Variants in ANO10 observed in about 807,000 individuals in gnomAD.
The protein encoded by ANO10 is anoctamin-10.
Under a neutral mutation model 74.7 loss-of-function variants are expected in ANO10, and 77 were observed. That is an observed-to-expected ratio of 1.03 (90% CI 0.86 to 1.25). The LOEUF (loss-of-function observed/expected upper bound fraction) is 1.25, where lower values mean the gene tolerates loss of function less well. ANO10 is among the 50% of genes most tolerant of loss of function. ANO10 has a pLI of 0.00. For missense variants in ANO10, 721 were observed against 778.1 expected (o/e 0.93, Z 0.87); for synonymous variants, 279 against 284.9 (o/e 0.98, Z 0.21).
intron 11 of ANO10, among the ~76,000 whole-genome samples, chr3:43,537,796 T>G (rs1469767490): frequency 2.0e-5 from 3 of 152,194 alleles, no homozygotes; most frequent in African/African-American, 7.2e-5. Context: ...GAACACATTT[T>G]ATTAGTTAGG....
At chr3:43,389,191 C>T (rs1374283241) in intron 12 of ANO10, among the ~76,000 whole-genome samples, 1 of 152,128 alleles carries the variant, frequency 6.6e-6, no homozygotes. Flanking sequence ...GCTGATCCAC[C>T]CAACAGGTGT....
At chr3:43,414,539 C>G (rs1175394126) in intron 12 of ANO10, among the ~76,000 whole-genome samples, 1 of 152,150 alleles carries the variant, frequency 6.6e-6, no homozygotes, top group Non-Finnish European at 1.5e-5. Context: ...TGATACCACT[C>G]TTCATTTCTA....
chr3:43,435,174 A>G (rs1428659985), intron 11 of ANO10, among the ~76,000 whole-genome samples: 1 of 152,186 alleles, frequency 6.6e-6, no homozygotes, highest in Non-Finnish European at 1.5e-5. Flanking sequence ...TGCAGTTCAG[A>G]GAATGTGGCT....
rs1559591383 is a variant in ANO10 at position 43,478,893 on chromosome 3, C to G, written c.1798-46166G>C. Among the ~76,000 whole-genome samples, 3 of 152,152 alleles carry G rather than the reference C, an allele frequency of 2.0e-5. No homozygotes were observed. The South Asian group carries it at 6.2e-4, about 31-fold the overall frequency. ...ATTTTAAGGTTAGAGCATCTAAAAG[C>G]AAACCCAAGTACCTGTTTTATAATA... On this transcript the variant is annotated intron_variant, in intron 11 of 12. Transcript: ENST00000292246.
chr3:43,601,148 T>A (rs1034589701), intron 2 of ANO10, among the ~76,000 whole-genome samples: 2 of 152,224 alleles, frequency 1.3e-5, no homozygotes, highest in Non-Finnish European at 1.5e-5. Context: ...GATTTGATAA[T>A]GTACATATAA....
At position 43,555,435 on chromosome 3, in the gene ANO10, T is replaced by A; in HGVS notation, c.1511A>T (p.Gln504Leu). ...GGAGAAAAGGCTCACATAACCAAAC[T>A]GCAGGAATAACTCCAAGTAATCATC... ...TFDDYLELFL[Q>L]FGYVSLFSCV... Residue 504 changes from glutamine (Q) to leucine (L), a missense_variant, in exon 10 of 13, where the codon CAG becomes CTG. Coordinates refer to ENST00000292246, the MANE Select transcript of ANO10 (RefSeq NM_018075.5). The A allele has an allele frequency of 6.2e-7, 1 of 1,614,124 alleles. No individual in the cohort carries two copies.
chr3:43,597,170 G>A lies in ANO10; in HGVS notation c.472+1362C>T, dbSNP rs186407585. 4.1e-4 allele frequency among the ~76,000 whole-genome samples: 63 copies of A among 152,060 alleles called. 2 individuals carry two copies. The highest frequency in any genetic ancestry group is 9.7e-5 in the African/African-American group (4 of 41,400). On this transcript the variant is annotated intron_variant, in intron 4 of 12. Coordinates refer to ENST00000292246, the MANE Select transcript of ANO10 (RefSeq NM_018075.5). Reference sequence around the variant, plus strand: ...AACACTTTTACACTGTTGGTGGGACGGTAAACTAGTTCAACCATTGTGGAA... The same window carrying A: ...AACACTTTTACACTGTTGGTGGGACAGTAAACTAGTTCAACCATTGTGGAA...
At chr3:43,409,003 G>A (rs1452842922) in intron 12 of ANO10, among the ~76,000 whole-genome samples, 1 of 152,146 alleles carries the variant, frequency 6.6e-6, no homozygotes, top group African/African-American at 2.4e-5. Flanking sequence ...CTGCACTCCA[G>A]CCTGGGCAAA....
At chr3:43,395,651 T>G (rs2092363257) in intron 12 of ANO10, among the ~76,000 whole-genome samples, 1 of 152,148 alleles carries the variant, frequency 6.6e-6, no homozygotes, top group Non-Finnish European at 1.5e-5. Flanking sequence ...TATTCCCCCC[T>G]GTATAATAAG....
intron 11 of ANO10, among the ~76,000 whole-genome samples, chr3:43,466,384 A>AAAAC (rs1553677036): frequency 2.5e-3 from 97 of 38,050 alleles, no homozygotes; most frequent in East Asian, 0.025. Context: ...AAAAAAAAAA[A>AAAAC]AAACAAACAA....
At chr3:43,495,268 A>G (rs941184674) in intron 11 of ANO10, among the ~76,000 whole-genome samples, 13 of 152,192 alleles carry the variant, frequency 8.5e-5, no homozygotes, top group Admixed American at 2.6e-4. Flanking sequence ...ATCTAAATGT[A>G]AATAAGACAC....
intron 8 of ANO10, among the ~76,000 whole-genome samples, chr3:43,564,050 C>T (rs773218204): frequency 1.8e-4 from 27 of 151,578 alleles, no homozygotes; most frequent in Non-Finnish European, 8.8e-5. Context: ...GATCATTACA[C>T]ATTTTTTTTT....
At chr3:43,401,638 T>A (rs1178219351) in intron 12 of ANO10, among the ~76,000 whole-genome samples, 1 of 152,256 alleles carries the variant, frequency 6.6e-6, no homozygotes, top group Non-Finnish European at 1.5e-5. Context: ...GAAAAATTAA[T>A]GAATTAAAAT....
At chr3:43,508,859 G>C (rs1575297769) in intron 11 of ANO10, among the ~76,000 whole-genome samples, 1 of 150,678 alleles carries the variant, frequency 6.6e-6, no homozygotes, top group Non-Finnish European at 1.5e-5. Context: ...CGAGTTAATG[G>C]GTGTAGCACA....
At chr3:43,373,852 C>T (rs1410139086) in intron 12 of ANO10, among the ~76,000 whole-genome samples, 1 of 152,184 alleles carries the variant, frequency 6.6e-6, no homozygotes, top group Non-Finnish European at 1.5e-5. Flanking sequence ...GATGCTAACA[C>T]AAAATGACCA....
At chr3:43,447,768 G>A (rs775563445) in intron 11 of ANO10, among the ~76,000 whole-genome samples, 11 of 152,126 alleles carry the variant, frequency 7.2e-5, no homozygotes, top group Non-Finnish European at 1.2e-4. Context: ...CTGTATACCT[G>A]TCATTCTCCC....
intron 11 of ANO10, among the ~76,000 whole-genome samples, chr3:43,436,149 G>C (rs562960875): frequency 3.1e-4 from 47 of 152,170 alleles, no homozygotes; most frequent in African/African-American, 1.0e-3. Context: ...GTTTCAAAAG[G>C]TCAATTTTTT....
At chr3:43,588,429 T>C (rs1004812655) in intron 4 of ANO10, among the ~76,000 whole-genome samples, 2 of 152,128 alleles carry the variant, frequency 1.3e-5, no homozygotes, top group African/African-American at 4.8e-5. Context: ...GCATAGCCTA[T>C]ATAAAAGATA....
chr3:43,536,376 C>T (rs1445691295), intron 11 of ANO10, among the ~76,000 whole-genome samples: 1 of 152,146 alleles, frequency 6.6e-6, no homozygotes. Context: ...ACCCTGTGCC[C>T]TCAAAACGGT....
Sources: allele counts gnomAD v4.1 joint callset (sites outside exome capture counted in the v4.1 genomes callset), GRCh38; gene constraint gnomAD v4.1.1; transcripts MANE v1.5; gene names NCBI Gene and HGNC (gene_info 2026-07-23, HGNC 2026-07-21).